Variants in CMTM1 observed in about 807,000 individuals in gnomAD.
CMTM1 encodes the protein CKLF-like MARVEL transmembrane domain-containing protein 1.
A neutral mutation model predicts 17.8 loss-of-function variants in CMTM1; 16 were observed. The observed-to-expected ratio is 0.90, with a 90% CI of 0.61 to 1.37. The LOEUF is 1.37. Among genes scored for constraint, CMTM1 ranks in the 40% most tolerant of loss-of-function variants. CMTM1 has a pLI of 0.00. For missense variants in CMTM1, 354 were observed against 375.6 expected (o/e 0.94, Z 0.47); for synonymous variants, 169 against 154.6 (o/e 1.09, Z -0.69).
intron 1 of CMTM1, among the ~76,000 whole-genome samples, chr16:66,568,759 G>A (rs940636017): frequency 6.6e-6 from 1 of 151,832 alleles, no homozygotes; most frequent in Admixed American, 6.6e-5. Context: ...AGTGACACGC[G>A]CCTGTAGTCC....
chr16:66,575,213 A>G, intron 2 of CMTM1: 2 of 985,354 alleles, frequency 2.0e-6, no homozygotes, highest in South Asian at 4.7e-5. Context: ...AGAGTTTACT[A>G]TCTGTTAACA....
intron 3 of CMTM1, 37 bp from the exon 4 acceptor site, chr16:66,578,794 C>G (rs572467533): frequency 1.2e-6 from 2 of 1,605,842 alleles, no homozygotes; most frequent in South Asian, 2.2e-5. Context: ...AAAATAACCC[C>G]GTCTTTCCTT....
chr16:66,574,572 C>T (rs963104207), intron 2 of CMTM1, among the ~76,000 whole-genome samples: 3 of 152,212 alleles, frequency 2.0e-5, no homozygotes, highest in African/African-American at 7.2e-5. Flanking sequence ...ATGTTAGATG[C>T]AAGGCAAACC....
chr16:66,578,331 C>T (rs191532704), intron 3 of CMTM1, among the ~76,000 whole-genome samples: 4 of 152,334 alleles, frequency 2.6e-5, no homozygotes, highest in Admixed American at 2.6e-4. Flanking sequence ...CACCTGACCT[C>T]CTGATAGAGT....
chr16:66,578,867 G>T lies in CMTM1; in HGVS notation c.727G>T (p.Asp243Tyr), dbSNP rs369806715. 6.2e-7 allele frequency: 1 copy of T among 1,614,142 alleles called. No homozygotes were observed. The highest frequency in any genetic ancestry group is 1.3e-5 in the African/African-American group (1 of 75,042). Residue 243 changes from aspartate to tyrosine, a missense_variant, in exon 4 of 4, where the codon GAT (aspartate) becomes TAT (tyrosine). Asp to Tyr is a radical substitution (Grantham distance 160). Coordinates refer to ENST00000379500, the MANE Select transcript of CMTM1 (RefSeq NM_052999.4). ...CACAGCGGTAATCGTGTGTTGCATCGATGCGTTTGTGGTCACCACGAAGAT... is the reference window on the plus strand; with the variant it reads ...CACAGCGGTAATCGTGTGTTGCATCTATGCGTTTGTGGTCACCACGAAGAT... Reference protein sequence around the residue: ...CLTAVIVCCIDAFVVTTKMRT... With the variant: ...CLTAVIVCCIYAFVVTTKMRT...
intron 2 of CMTM1, among the ~76,000 whole-genome samples, chr16:66,570,694 G>A (rs2013384653): frequency 6.6e-6 from 1 of 152,184 alleles, no homozygotes; most frequent in Non-Finnish European, 1.5e-5. Context: ...GACTAGAGAG[G>A]CAGTACGGTT....
chr16:66,576,297 T>C (rs147847064), intron 2 of CMTM1, among the ~76,000 whole-genome samples: 7,786 of 149,856 alleles, frequency 0.052, 326 homozygotes, highest in East Asian at 0.12. Flanking sequence ...ACTCAGGAGG[T>C]TGAGGCAGGA....
rs190718432 is a variant in CMTM1 at position 66,569,319 on chromosome 16, C to T, written c.433-617C>T. Among the ~76,000 whole-genome samples the T allele has an allele frequency of 3.3e-5, 5 of 152,284 alleles. No individual in the cohort carries two copies. In the East Asian group the frequency reaches 9.7e-4, roughly 29 times the overall value. ...GTCTGGGGAACTTGACCAACACAAA[C>T]ATGGGAGACATAAACAGTCTGAGAA... On this transcript the variant is annotated intron_variant, in intron 1 of 3. Coordinates refer to ENST00000379500, the MANE Select transcript of CMTM1 (RefSeq NM_052999.4).
intron 2 of CMTM1, among the ~76,000 whole-genome samples, chr16:66,572,489 T>C (rs1382470758): frequency 1.3e-5 from 2 of 152,088 alleles, no homozygotes; most frequent in Non-Finnish European, 2.9e-5. Flanking sequence ...TTTGTGAGGG[T>C]ATTGGTGCTA....
At chr16:66,574,455 T>C (rs1333703312) in intron 2 of CMTM1, among the ~76,000 whole-genome samples, 1 of 152,208 alleles carries the variant, frequency 6.6e-6, no homozygotes, top group Non-Finnish European at 1.5e-5. Flanking sequence ...TGCTTACCCA[T>C]CTGTAAACTG....
At position 66,578,814 on chromosome 16, in the gene CMTM1, G is replaced by C. The variant is rs1316502005; in HGVS notation, c.691-17G>C. On this transcript the variant is annotated splice_polypyrimidine_tract_variant and intron_variant, in intron 3 of 3. Transcript: ENST00000379500. Reference sequence around the variant, plus strand: ...AACCCCGTCTTTCCTTCCCGCATATGGTCTTGTATCTGACAGTCCCTGTGT... The same window carrying C: ...AACCCCGTCTTTCCTTCCCGCATATCGTCTTGTATCTGACAGTCCCTGTGT... The C allele has an allele frequency of 6.2e-7, 1 of 1,610,368 alleles. No individual in the cohort carries two copies. The highest frequency in any genetic ancestry group is 1.7e-5 in the Admixed American group (1 of 59,926).
intron 1 of CMTM1, among the ~76,000 whole-genome samples, chr16:66,569,164 A>G (rs559086508): frequency 1.3e-5 from 2 of 152,346 alleles, no homozygotes; most frequent in South Asian, 4.1e-4. Context: ...CCTGAGAGAT[A>G]TTTTTTAAAA....
At chr16:66,575,605 C>T (rs2144667842) in intron 2 of CMTM1, among the ~76,000 whole-genome samples, 1 of 152,272 alleles carries the variant, frequency 6.6e-6, no homozygotes, top group South Asian at 2.1e-4. Context: ...GTTCTGATTC[C>T]ACCCATTATT....
intron 2 of CMTM1, chr16:66,575,354 C>T (rs1358337866): frequency 2.5e-6 from 1 of 397,152 alleles, no homozygotes. Flanking sequence ...AGTCATTATC[C>T]CCATATTACA....
chr16:66,567,208 G>A (rs1324803069), intron 1 of CMTM1: 3 of 553,472 alleles, frequency 5.4e-6, no homozygotes, highest in Non-Finnish European at 9.5e-6. Context: ...TGTAGAACGT[G>A]CAGTTTTGTT....
chr16:66,572,676 T>C (rs1597167025), intron 2 of CMTM1, among the ~76,000 whole-genome samples: 1 of 152,020 alleles, frequency 6.6e-6, no homozygotes, highest in Admixed American at 6.6e-5. Flanking sequence ...CAGCTGAGAG[T>C]GCCCAGCATG....
chr16:66,576,992 A>T, intron 2 of CMTM1, 112 bp from the exon 3 acceptor site: 1 of 886,838 alleles, frequency 1.1e-6, no homozygotes, highest in Admixed American at 2.7e-5. Flanking sequence ...CATCTTAATC[A>T]AATGGAAGGT....
rs1312545693 is a variant in CMTM1 at position 66,566,525 on chromosome 16, A to G, written c.12A>G (p.Glu4=). The G allele has an allele frequency of 1.2e-6, 2 of 1,608,214 alleles. No individual in the cohort carries two copies. Among genetic ancestry groups the G allele is most frequent in the South Asian group, 2.2e-5 (2 of 90,606 alleles). Reference sequence around the variant, plus strand: ...CCTAGGGACCCACCATGGATCCTGAACACGCCAAACCTGAGTCATCCGAGG... The same window carrying G: ...CCTAGGGACCCACCATGGATCCTGAGCACGCCAAACCTGAGTCATCCGAGG... MDP[E]HAKPESSEAP... is the part of the protein sequence containing the mutation. The change falls in exon 1 of 4, where the codon GAA becomes GAG. Residue 4 remains glutamate (E), a synonymous_variant. Transcript: ENST00000379500. The surrounding 1 kb of genome is among the most constrained non-coding windows in gnomAD (Gnocchi z 4.9).
chr16:66,571,173 G>T (rs1286191091), intron 2 of CMTM1: 7 of 457,282 alleles, frequency 1.5e-5, no homozygotes, highest in Non-Finnish European at 2.6e-5. Context: ...GCAAATATGA[G>T]CAACTTTAAT....
Sources: gnomAD v4.1 joint callset for allele counts (sites outside exome capture counted in the v4.1 genomes callset) on GRCh38, gnomAD v4.1.1 for gene constraint, Gnocchi (gnomAD v3.1) non-coding constraint, MANE v1.5 for transcripts, NCBI Gene and HGNC (gene_info 2026-07-23, HGNC 2026-07-21) for gene names.